LDHB: variants seen among roughly 807,000 people sequenced by gnomAD.
LDHB encodes the protein lactate dehydrogenase B.
LDHB carries 18 observed loss-of-function variants against 33.4 expected under a neutral mutation model. The observed-to-expected ratio is 0.54, with a 90% CI of 0.37 to 0.80. The LOEUF is 0.80. Among genes scored for constraint, LDHB ranks in the 30% least tolerant of loss-of-function variants. The probability of loss-of-function intolerance (pLI) is 0.00; values close to 1 mark genes in which losing one functional copy is unlikely to be tolerated. For missense variants in LDHB, 345 were observed against 407.9 expected (o/e 0.85, Z 1.33); for synonymous variants, 121 against 140.6 (o/e 0.86, Z 0.98).
chr12:21,652,184 A>T (rs1170373414), intron 2 of LDHB, among the ~76,000 whole-genome samples: 3 of 152,248 alleles, frequency 2.0e-5, no homozygotes, highest in Non-Finnish European at 2.9e-5. Flanking sequence ...TTTGAGATTA[A>T]CAGAAGGTAA....
intron 3 of LDHB, 138 bp downstream of exon 3, chr12:21,646,759 AAC>A (rs1938537448): frequency 1.5e-6 from 1 of 659,292 alleles, no homozygotes; most frequent in Non-Finnish European, 2.7e-6. Flanking sequence ...ATATCTTATT[AAC>A]AGTTATTGAA....
chr12:21,640,922 T>G (rs1033777160), intron 5 of LDHB, among the ~76,000 whole-genome samples: 1 of 151,454 alleles, frequency 6.6e-6, no homozygotes, highest in Non-Finnish European at 1.5e-5. Context: ...ATTTTGGGCA[T>G]GAGATAAAAA....
chr12:21,657,378 C>T (rs1938883918), intron 1 of LDHB: 1 of 152,342 alleles, frequency 6.6e-6, no homozygotes, highest in Non-Finnish European at 1.5e-5. Flanking sequence ...CATAGGCCAC[C>T]TGGTTCCGTC....
At chr12:21,647,049 A>G in intron 2 of LDHB, 33 bp from the exon 3 acceptor site, 1 of 1,323,644 alleles carries the variant, frequency 7.6e-7, no homozygotes, top group South Asian at 1.2e-5. Flanking sequence ...TAGAACCCTA[A>G]GCCACTCTAG....
chr12:21,647,234 C>T (rs1026756660), intron 2 of LDHB, among the ~76,000 whole-genome samples: 1 of 152,188 alleles, frequency 6.6e-6, no homozygotes, highest in East Asian at 1.9e-4. Flanking sequence ...AGGAAACCAG[C>T]TTAGTTCAAG....
intron 6 of LDHB, among the ~76,000 whole-genome samples, chr12:21,637,824 G>A (rs1236345489): frequency 6.6e-6 from 1 of 151,688 alleles, no homozygotes; most frequent in Admixed American, 6.6e-5. Context: ...TAAAATAAAG[G>A]TATATGTTAA....
rs1329559738 is a variant in LDHB, at chr12:21,638,499, C to A, written c.596-29G>T. 4 of 1,343,436 alleles carry A rather than the reference C, an allele frequency of 3.0e-6. No individual in the cohort carries two copies. The East Asian group carries it at 6.9e-5, about 23-fold the overall frequency. The allele number at this position is 1,343,436 out of a possible 1,614,324, so 83.2% of individuals were successfully genotyped here. ...TTTAAAAAAAAAAAAAAAGACATTG[C>A]AGTTATTTCTTACATTATTTTAAAA... On this transcript the variant is annotated intron_variant, in intron 5 of 7. Transcript: ENST00000350669.
chr12:21,637,598 CAACT>C (rs146859062), intron 6 of LDHB, among the ~76,000 whole-genome samples: 2,754 of 152,124 alleles, frequency 0.018, 73 homozygotes, highest in African/African-American at 0.063. Context: ...CTAACATAAT[CAACT>C]AACTAATAAA....
rs1938377869 is a variant in LDHB at position 21,641,859 on chromosome 12, C to G, written c.595+93G>C. On this transcript the variant is annotated intron_variant, in intron 5 of 7. Coordinates refer to ENST00000350669, the MANE Select transcript of LDHB (RefSeq NM_002300.8). ...TTTTTGCAACTGTTCTTAAGTACAT[C>G]AAAGTCTATAAAAATAAAATTTGAA... is the stretch of plus-strand genomic sequence containing the variant. 8 of 1,132,578 alleles carry G rather than the reference C, an allele frequency of 7.1e-6. No individual in the cohort carries two copies. In the South Asian group the frequency reaches 1.1e-4, roughly 16 times the overall value. 70.2% of individuals were successfully genotyped at this position (1,132,578 alleles called of 1,614,324 possible). A position where few individuals can be genotyped will look rare whatever the true frequency, so the allele number is the denominator to read the frequency against.
intron 5 of LDHB, 26 bp from the exon 6 acceptor site, chr12:21,638,496 T>A: frequency 7.4e-7 from 1 of 1,349,872 alleles, no homozygotes; most frequent in Non-Finnish European, 1.1e-6. Context: ...AAAAAAGACA[T>A]TGCAGTTATT....
At chr12:21,643,676 C>A in intron 4 of LDHB, 1 of 452,264 alleles carries the variant, frequency 2.2e-6, no homozygotes, top group Non-Finnish European at 3.9e-6. Flanking sequence ...GTTTTAAAAG[C>A]CTTCAGAATC....
At chr12:21,645,333 A>G (rs557910776) in intron 3 of LDHB, among the ~76,000 whole-genome samples, 2 of 152,154 alleles carry the variant, frequency 1.3e-5, no homozygotes, top group African/African-American at 4.8e-5. Context: ...GAAGGGAAAG[A>G]CCTGACTGTG....
At chr12:21,642,818 C>T (rs1047350101) in intron 4 of LDHB, among the ~76,000 whole-genome samples, 2 of 152,164 alleles carry the variant, frequency 1.3e-5, no homozygotes, top group Non-Finnish European at 2.9e-5. Flanking sequence ...CACCCCCACA[C>T]TAATCTGTAG....
At chr12:21,649,028 C>CTCTGACAA (rs1938606220) in intron 2 of LDHB, among the ~76,000 whole-genome samples, 1 of 152,152 alleles carries the variant, frequency 6.6e-6, no homozygotes, top group South Asian at 2.1e-4. Context: ...TCTTTGCAAT[C>CTCTGACAA]TCTGACAAGA....
chr12:21,644,131 A>G (rs1454133024), intron 3 of LDHB, 23 bp from the exon 4 acceptor site: 1 of 1,557,124 alleles, frequency 6.4e-7, no homozygotes, highest in Non-Finnish European at 8.9e-7. Flanking sequence ...AAGCAAAAAC[A>G]GGTACTTTAA....
intron 3 of LDHB, among the ~76,000 whole-genome samples, chr12:21,645,571 A>G (rs1338632631): frequency 1.3e-5 from 2 of 152,254 alleles, no homozygotes; most frequent in African/African-American, 4.8e-5. Context: ...TGCTGGCAGC[A>G]ATACTGCCCT....
At position 21,644,127 on chromosome 12, in the gene LDHB, A is replaced by G; in HGVS notation, c.248-19T>C. The G allele has an allele frequency of 5.1e-6, 8 of 1,573,424 alleles. No individual in the cohort carries two copies. The highest frequency in any genetic ancestry group is 7.0e-6 in the Non-Finnish European group (8 of 1,143,122). On this transcript the variant is annotated intron_variant, in intron 3 of 7. Transcript: ENST00000350669. ...GAATAATCTTTAAAAAGAAAAGCAAAAACAGGTACTTTAAATGCAACTCTT... is the reference window on the plus strand; with the variant it reads ...GAATAATCTTTAAAAAGAAAAGCAAGAACAGGTACTTTAAATGCAACTCTT...
At chr12:21,644,157 A>G in intron 3 of LDHB, 49 bp from the exon 4 acceptor site, 1 of 1,317,416 alleles carries the variant, frequency 7.6e-7, no homozygotes, top group Non-Finnish European at 1.1e-6. Context: ...ACTCTTCATT[A>G]TAACATAACC....
chr12:21,639,236 CT>C (rs1938299255), intron 5 of LDHB, among the ~76,000 whole-genome samples: 1 of 151,886 alleles, frequency 6.6e-6, no homozygotes, highest in Non-Finnish European at 1.5e-5. Context: ...ATAATCATGT[CT>C]AGTGAGCATG....
Sources: gnomAD v4.1 joint callset for allele counts (sites outside exome capture counted in the v4.1 genomes callset) on GRCh38, gnomAD v4.1.1 for gene constraint, MANE v1.5 for transcripts, NCBI Gene and HGNC (gene_info 2026-07-23, HGNC 2026-07-21) for gene names.